RASSF8: variants seen among roughly 807,000 people sequenced by gnomAD.
RASSF8 encodes the protein ras association domain-containing protein 8.
In RASSF8, 22 loss-of-function variants were observed where a neutral mutation model predicts 48.5. The observed-to-expected ratio is 0.45, with a 90% CI of 0.32 to 0.65. RASSF8 has a LOEUF of 0.65. Among genes scored for constraint, RASSF8 ranks in the 30% least tolerant of loss-of-function variants. The pLI, the probability that RASSF8 is intolerant of heterozygous loss-of-function variation, is 0.03. For missense variants in RASSF8, 418 were observed against 489.2 expected (o/e 0.85, Z 1.37); for synonymous variants, 127 against 171.5 (o/e 0.74, Z 2.03).
At chr12:26,058,313 G>C (rs753616974) in intron 3 of RASSF8, among the ~76,000 whole-genome samples, 1 of 152,296 alleles carries the variant, frequency 6.6e-6, no homozygotes, top group Non-Finnish European at 1.5e-5. Context: ...TCTGTGGTGA[G>C]AGTTTATTAA....
At chr12:25,988,773 A>G (rs1377276410) in intron 1 of RASSF8, among the ~76,000 whole-genome samples, 1 of 152,146 alleles carries the variant, frequency 6.6e-6, no homozygotes, top group African/African-American at 2.4e-5. Flanking sequence ...GTGGGACCAT[A>G]AAGAAGAAAT....
intron 2 of RASSF8, among the ~76,000 whole-genome samples, chr12:26,042,653 C>T (rs1487469007): frequency 6.6e-6 from 1 of 151,912 alleles, no homozygotes; most frequent in Non-Finnish European, 1.5e-5. Flanking sequence ...ATTTTCTTTG[C>T]AATTTTCTGC....
Position 26,071,744 on chromosome 12 carries a change from C to T in RASSF8, c.*2926C>T. 1 of 983,570 alleles carries T rather than the reference C, an allele frequency of 1.0e-6. No individual in the cohort carries two copies. Among genetic ancestry groups the T allele is most frequent in the Non-Finnish European group, 1.2e-6 (1 of 828,424 alleles). 60.9% of individuals were successfully genotyped at this position (983,570 alleles called of 1,614,324 possible). ...GTCATCAATGAGGTAATCATCAATT[C>T]CTATAGTTCAAATTAGTCATAAACA... On this transcript the variant is annotated 3_prime_UTR_variant, in exon 6 of 6. Coordinates refer to ENST00000689635, the MANE Select transcript of RASSF8 (RefSeq NM_001394098.1).
intron 1 of RASSF8, among the ~76,000 whole-genome samples, chr12:25,984,481 T>C (rs1316974699): frequency 6.6e-6 from 1 of 152,156 alleles, no homozygotes; most frequent in Non-Finnish European, 1.5e-5. Flanking sequence ...TAGCTGGTAC[T>C]ACAGGCGCAC....
At chr12:26,032,647 A>G (rs559624134) in intron 2 of RASSF8, among the ~76,000 whole-genome samples, 1 of 152,318 alleles carries the variant, frequency 6.6e-6, no homozygotes, top group South Asian at 2.1e-4. Context: ...GTTTTAACCC[A>G]TGAAACCTCC....
At chr12:26,003,506 G>A (rs1942312092) in intron 2 of RASSF8, among the ~76,000 whole-genome samples, 1 of 152,154 alleles carries the variant, frequency 6.6e-6, no homozygotes, top group South Asian at 2.1e-4. Flanking sequence ...GCCAATAAAA[G>A]AGTTTATCTG....
intron 2 of RASSF8, among the ~76,000 whole-genome samples, chr12:26,031,759 A>C (rs951278439): frequency 2.0e-5 from 3 of 152,158 alleles, no homozygotes; most frequent in Admixed American, 2.0e-4. Flanking sequence ...TGAGAAAAAG[A>C]GGGTTAATAG....
chr12:25,966,295 G>A (rs1360967543), intron 1 of RASSF8, among the ~76,000 whole-genome samples: 1 of 151,954 alleles, frequency 6.6e-6, no homozygotes, highest in Non-Finnish European at 1.5e-5. Context: ...CTCTGTTGCC[G>A]AGGCTGGAGT....
intron 1 of RASSF8, among the ~76,000 whole-genome samples, chr12:25,984,763 T>A (rs1941832757): frequency 6.6e-6 from 1 of 152,246 alleles, no homozygotes; most frequent in Non-Finnish European, 1.5e-5. Flanking sequence ...TAACTTTTTC[T>A]TCTTAAAATT....
At chr12:26,040,103 CTTTTG>C (rs1205122446) in intron 2 of RASSF8, among the ~76,000 whole-genome samples, 2 of 152,018 alleles carry the variant, frequency 1.3e-5, no homozygotes, top group East Asian at 1.9e-4. Flanking sequence ...AACTGTGGTT[CTTTTG>C]TTTTATTTTT....
At chr12:25,997,176 G>C (rs371608366) in intron 2 of RASSF8, among the ~76,000 whole-genome samples, 29 of 152,272 alleles carry the variant, frequency 1.9e-4, no homozygotes, top group African/African-American at 7.0e-4. Context: ...TAAAAAGACA[G>C]ATTGGGTAAA....
intron 1 of RASSF8, among the ~76,000 whole-genome samples, chr12:25,984,879 T>G (rs1941835656): frequency 6.6e-6 from 1 of 152,222 alleles, no homozygotes; most frequent in Admixed American, 6.5e-5. Context: ...CAAGGCAGGA[T>G]TAACACAGGC....
chr12:25,975,363 G>A lies in RASSF8; in HGVS notation c.-203+16215G>A, dbSNP rs2136881367. On this transcript the variant is annotated intron_variant, in intron 1 of 5. Coordinates refer to ENST00000689635, the MANE Select transcript of RASSF8 (RefSeq NM_001394098.1). Reference sequence around the variant, plus strand: ...GGTAAAGGATGTTCATGCTGTACTAGAGTTTGTTTAGCTTTCAGTTGGTAG... The same window carrying A: ...GGTAAAGGATGTTCATGCTGTACTAAAGTTTGTTTAGCTTTCAGTTGGTAG... Among the ~76,000 whole-genome samples, 3 of 152,332 alleles carry A rather than the reference G, an allele frequency of 2.0e-5. No homozygotes were observed. In the South Asian group the frequency reaches 6.2e-4, roughly 32 times the overall value.
intron 2 of RASSF8, among the ~76,000 whole-genome samples, chr12:25,998,627 G>A (rs369737167): frequency 9.9e-5 from 15 of 152,108 alleles, no homozygotes; most frequent in African/African-American, 1.9e-4. Flanking sequence ...GATTACAGGC[G>A]TGAGCCACCG....
chr12:25,958,643 GGCCCGGCCCGGCCCGGCCCCCA>G (rs1218702666), upstream of RASSF8: 3 of 143,232 alleles, frequency 2.1e-5, no homozygotes, highest in African/African-American at 5.1e-5. Flanking sequence ...CGCCCGGCCC[GGCCCGGCCCGGCCCGGCCCCCA>G]GCCCGGCCCC....
intron 1 of RASSF8, among the ~76,000 whole-genome samples, chr12:25,985,453 G>A (rs1276697668): frequency 2.6e-5 from 4 of 152,162 alleles, no homozygotes; most frequent in African/African-American, 7.2e-5. Flanking sequence ...AGAGACTATC[G>A]TATGGTTTTC....
rs756607785 is a variant in RASSF8, at chr12:26,067,608, C to T, written c.1033C>T (p.Arg345Trp). 11 of 1,613,708 alleles carry T rather than the reference C, an allele frequency of 6.8e-6. No individual in the cohort carries two copies. Among genetic ancestry groups the T allele is most frequent in the Middle Eastern group, 3.3e-4 (2 of 6,084 alleles). ...QELEQLTKEL[R>W]QVNLQQFIQQ... ...ACTGGAGCAGTTGACTAAGGAGTTG[C>T]GGCAAGTCAATCTCCAGCAGTTCAT... The change falls in exon 5 of 6, where the codon CGG becomes TGG. Residue 345 changes from arginine (R) to tryptophan (W), a missense_variant. By Grantham distance (101) the Arg-to-Trp change is moderately radical (BLOSUM62 -3). Transcript: ENST00000689635.
intron 2 of RASSF8, among the ~76,000 whole-genome samples, chr12:26,041,986 A>G (rs1339338800): frequency 1.3e-5 from 2 of 152,238 alleles, no homozygotes; most frequent in African/African-American, 4.8e-5. Flanking sequence ...TCATACTGAG[A>G]GGATGAATTG....
At position 25,958,809 on chromosome 12, in the gene RASSF8, T is replaced by TCGCCGAGCCTCGCCCTTCCC. The variant is rs1433248480; in HGVS notation, c.-541_-522dup. On this transcript the variant is annotated 5_prime_UTR_variant, in exon 1 of 6. Coordinates refer to ENST00000689635, the MANE Select transcript of RASSF8 (RefSeq NM_001394098.1). ...CTGCCGCCCAGCTCCTCGCCCAGCC[T>TCGCCGAGCCTCGCCCTTCCC]CGCCGAGCCTCGCCCTTCCCGCCCG... The TCGCCGAGCCTCGCCCTTCCC allele has an allele frequency of 6.8e-6, 1 of 146,400 alleles. No homozygotes were observed. The highest frequency in any genetic ancestry group is 2.5e-5 in the African/African-American group (1 of 40,762). 9.1% of individuals were successfully genotyped at this position (146,400 alleles called of 1,614,324 possible).
Sources: gnomAD v4.1 joint callset for allele counts (sites outside exome capture counted in the v4.1 genomes callset) on GRCh38, gnomAD v4.1.1 for gene constraint, MANE v1.5 for transcripts, NCBI Gene and HGNC (gene_info 2026-07-23, HGNC 2026-07-21) for gene names.